The following RP1 variants were observed in gnomAD, a reference collection of about 807,000 sequenced individuals.
RP1 encodes the protein RP1 axonemal microtubule associated.
RP1 carries 16 observed loss-of-function variants against 14.8 expected under a neutral mutation model. The observed-to-expected ratio is 1.08, with a 90% CI of 0.73 to 1.65. The LOEUF is 1.65. Among genes scored for constraint, RP1 ranks in the 40% most tolerant of loss-of-function variants. The pLI is 0.00. For synonymous variants in RP1, 876 were observed against 883.6 expected (o/e 0.99, Z 0.15); for missense variants, 2,631 against 2,535.0 (o/e 1.04, Z -0.81).
intron 1 of RP1, among the ~76,000 whole-genome samples, chr8:54,610,321 G>A (rs77693696): frequency 0.02 from 3,050 of 152,070 alleles, 100 homozygotes; most frequent in African/African-American, 0.066. Flanking sequence ...GTTCCTCACC[G>A]TCTCTGTGGC....
At chr8:54,699,317 T>C in intron 12 of RP1, 1 of 386,674 alleles carries the variant, frequency 2.6e-6, no homozygotes, top group Non-Finnish European at 4.6e-6. Context: ...TTTCACAAAC[T>C]GAACATACTG....
intron 26 of RP1, among the ~76,000 whole-genome samples, chr8:54,854,897 G>A (rs1459955411): frequency 2.0e-5 from 3 of 152,030 alleles, no homozygotes; most frequent in Non-Finnish European, 4.4e-5. Flanking sequence ...ATTAATTGTG[G>A]CAAAATACAC....
At chr8:54,680,687 G>A (rs1382710283) in intron 12 of RP1, among the ~76,000 whole-genome samples, 1 of 152,154 alleles carries the variant, frequency 6.6e-6, no homozygotes, top group Non-Finnish European at 1.5e-5. Context: ...GGCCGGGTGT[G>A]GTGGCTCATG....
At position 54,568,793 on chromosome 8, in the gene RP1, A is replaced by G. The variant is rs1360624495; in HGVS notation, c.-13+9473A>G. On this transcript the variant is annotated intron_variant, in intron 1 of 22. Transcript: ENST00000636932. The stretch of plus-strand genomic sequence containing the variant: ...CTTATCTCTCCAGTTTCCTCCACAT[A>G]GTCACCACAGGGGACAAAATCTGGA... 3.9e-5 allele frequency among the ~76,000 whole-genome samples: 6 copies of G among 152,228 alleles called. No homozygotes were observed. The East Asian group carries it at 1.2e-3, about 29-fold the overall frequency.
intron 25 of RP1, among the ~76,000 whole-genome samples, chr8:54,850,869 A>G (rs1295484014): frequency 6.6e-6 from 1 of 152,202 alleles, no homozygotes; most frequent in Non-Finnish European, 1.5e-5. Flanking sequence ...TCCAGCAAAA[A>G]TGTCTGTTTC....
chr8:54,812,793 CTATCTATCTATCTA>C (rs1563383876), intron 24 of RP1, among the ~76,000 whole-genome samples: 51 of 150,180 alleles, frequency 3.4e-4, no homozygotes, highest in African/African-American at 7.7e-4. Context: ...ATCTATCTAT[CTATCTATCTATCTA>C]TCTCTCCGTC....
At chr8:54,571,256 G>A (rs1266085401) in intron 1 of RP1, among the ~76,000 whole-genome samples, 2 of 152,168 alleles carry the variant, frequency 1.3e-5, no homozygotes, top group African/African-American at 4.8e-5. Context: ...TTGGCCCATA[G>A]ACTGATTTCC....
In RP1 at chr8:54,622,029, G is replaced by T. The variant is rs111554633; in HGVS notation, c.616-88G>T. ...TGATGATGTCTTTCAAGCCTAGGAGGTTGTTGATTTGATTCAAGCAAAGTT... is the reference window on the plus strand; with the variant it reads ...TGATGATGTCTTTCAAGCCTAGGAGTTTGTTGATTTGATTCAAGCAAAGTT... On this transcript the variant is annotated intron_variant, in intron 2 of 3. Coordinates refer to ENST00000220676, the MANE Select transcript of RP1 (RefSeq NM_006269.2). The T allele has an allele frequency of 1.3e-3, 1,653 of 1,293,132 alleles. 19 individuals carry two copies. In the African/African-American group the frequency reaches 0.022, roughly 17 times the overall value. The allele number at this position is 1,293,132 out of a possible 1,614,324, so 80.1% of individuals were successfully genotyped here. A position where few individuals can be genotyped will look rare whatever the true frequency, so the allele number is the denominator to read the frequency against.
intron 27 of RP1, chr8:54,865,690 C>G: frequency 2.6e-6 from 1 of 391,106 alleles, no homozygotes; most frequent in Non-Finnish European, 4.5e-6. Context: ...TTTCATTTCT[C>G]TACGGGCATA....
At chr8:54,821,817 C>T (rs1464200372) in intron 24 of RP1, among the ~76,000 whole-genome samples, 1 of 152,156 alleles carries the variant, frequency 6.6e-6, no homozygotes, top group Non-Finnish European at 1.5e-5. Flanking sequence ...TCTGATAATG[C>T]ACACCACTAA....
At position 54,627,711 on chromosome 8, in the gene RP1, A is replaced by G. The variant is rs1806110524; in HGVS notation, c.3829A>G (p.Ser1277Gly). The G allele has an allele frequency of 1.2e-6, 2 of 1,614,178 alleles. No homozygotes were observed. The highest frequency in any genetic ancestry group is 8.5e-7 in the Non-Finnish European group (1 of 1,179,984). ...TTCTCCAAAAGAGACATGTAACCCC[A>G]GTGACACTTTTTTTCCTAGTGATGG... ...AYSPKETCNPSDTFFPSDGYG... is the reference protein window; with the variant it reads ...AYSPKETCNPGDTFFPSDGYG... Residue 1277 changes from serine to glycine, a missense_variant, in exon 4 of 4, where the codon AGT becomes GGT. Coordinates refer to ENST00000220676, the MANE Select transcript of RP1 (RefSeq NM_006269.2).
chr8:54,605,017 G>A (rs1805393282), intron 1 of RP1, among the ~76,000 whole-genome samples: 1 of 151,836 alleles, frequency 6.6e-6, no homozygotes, highest in African/African-American at 2.4e-5. Context: ...TTTTTGAAGG[G>A]TTTTTTGTGT....
intron 25 of RP1, among the ~76,000 whole-genome samples, chr8:54,844,340 G>A (rs755222116): frequency 4.6e-5 from 7 of 152,090 alleles, no homozygotes; most frequent in Non-Finnish European, 7.4e-5. Context: ...TGGCAAAAAC[G>A]CAGTTACTTT....
intron 7 of RP1, among the ~76,000 whole-genome samples, chr8:54,664,495 T>C (rs1390806474): frequency 6.6e-6 from 1 of 152,136 alleles, no homozygotes; most frequent in Non-Finnish European, 1.5e-5. Context: ...AGTTGTACCA[T>C]TTTACAATCC....
In RP1 at chr8:54,627,040, A is replaced by C. The variant is rs1358085315; in HGVS notation, c.3158A>C (p.Tyr1053Ser). The change falls in exon 4 of 4, where the codon TAC (tyrosine) becomes TCC (serine). Residue 1053 changes from tyrosine to serine, a missense_variant. By Grantham distance (144) the Tyr-to-Ser change is moderately radical (BLOSUM62 -2). Transcript: ENST00000220676. ...TCAGGACCAGAGAAAAAACTTGTTT[A>C]CCAGGAAATAAACCTAGCTAGAAAA... ...EKSGPEKKLVYQEINLARKRQ... is the reference protein window; with the variant it reads ...EKSGPEKKLVSQEINLARKRQ... 6.2e-7 allele frequency: 1 copy of C among 1,614,064 alleles called. No homozygotes were observed. Among genetic ancestry groups the C allele is most frequent in the South Asian group, 1.1e-5 (1 of 91,084 alleles).
chr8:54,782,417 T>G (rs924070915), intron 23 of RP1, among the ~76,000 whole-genome samples: 1 of 152,182 alleles, frequency 6.6e-6, no homozygotes, highest in Admixed American at 6.6e-5. Context: ...CATTGTGTTT[T>G]TAAAAGAAAA....
exon 16 of RP1, chr8:54,720,268 A>C (rs937886173): frequency 1.2e-5 from 18 of 1,535,860 alleles, no homozygotes; most frequent in Non-Finnish European, 1.5e-5. Context: ...ATTTATACCA[A>C]GGATGAGAAT....
intron 1 of RP1, among the ~76,000 whole-genome samples, chr8:54,585,731 C>G (rs538251915): frequency 1.3e-5 from 2 of 152,176 alleles, no homozygotes; most frequent in Non-Finnish European, 2.9e-5. Context: ...TCTCTTCTCA[C>G]TTCATTTCAT....
chr8:54,679,381 T>A, intron 9 of RP1: 1 of 1,493,882 alleles, frequency 6.7e-7, no homozygotes, highest in Non-Finnish European at 9.0e-7. Flanking sequence ...AATGTAAATA[T>A]AAAGTCTGAA....
Sources: gnomAD v4.1 joint callset for allele counts (sites outside exome capture counted in the v4.1 genomes callset) on GRCh38, gnomAD v4.1.1 for gene constraint, MANE v1.5 for transcripts, NCBI Gene and HGNC (gene_info 2026-07-23, HGNC 2026-07-21) for gene names.